Variants in HMGCLL1 observed in about 807,000 individuals in gnomAD.
The protein encoded by HMGCLL1 is 3-hydroxy-3-methylglutaryl-CoA lyase like 1.
In HMGCLL1, 36 loss-of-function variants were observed where a neutral mutation model predicts 39.1. The observed-to-expected ratio is 0.92, with a 90% CI of 0.71 to 1.22. The LOEUF (loss-of-function observed/expected upper bound fraction) is 1.22, where lower values mean the gene tolerates loss of function less well. Ranked by LOEUF, HMGCLL1 falls within the 50% of genes most tolerant of loss-of-function variation. The pLI is 0.00. For synonymous variants in HMGCLL1, 149 were observed against 144.0 expected (o/e 1.03, Z -0.25); for missense variants, 451 against 416.5 (o/e 1.08, Z -0.72).
the HMGCLL1 span, among the ~76,000 whole-genome samples, chr6:55,662,871 A>C: frequency 0.055 from 8,331 of 151,618 alleles, 384 homozygotes; most frequent in Non-Finnish European, 0.077. Flanking sequence ...TTCAGAGCTA[A>C]TTATTGCTCT....
At chr6:55,454,774 A>C (rs1366789819) in intron 7 of HMGCLL1, among the ~76,000 whole-genome samples, 1 of 152,204 alleles carries the variant, frequency 6.6e-6, no homozygotes, top group African/African-American at 2.4e-5. Flanking sequence ...GGAAGGAGAA[A>C]GAGAATAGGA....
chr6:55,449,341 CTTCT>C (rs773050748), intron 7 of HMGCLL1, among the ~76,000 whole-genome samples: 2 of 152,198 alleles, frequency 1.3e-5, no homozygotes, highest in Non-Finnish European at 2.9e-5. Context: ...AAGCATTCTT[CTTCT>C]TTAATAGCCA....
At chr6:55,644,836 C>T in the HMGCLL1 span, among the ~76,000 whole-genome samples, 1 of 151,858 alleles carries the variant, frequency 6.6e-6, no homozygotes, top group Admixed American at 6.6e-5. Flanking sequence ...TAATTTGATT[C>T]CTCCAGTTTT....
chr6:55,457,165 AT>A (rs1385024255), intron 7 of HMGCLL1, among the ~76,000 whole-genome samples: 2 of 152,128 alleles, frequency 1.3e-5, no homozygotes, highest in African/African-American at 4.8e-5. Flanking sequence ...TGAAACTTGA[AT>A]TATTTTCTAC....
intron 7 of HMGCLL1, among the ~76,000 whole-genome samples, chr6:55,480,125 T>A (rs1765658366): frequency 6.6e-6 from 1 of 151,566 alleles, no homozygotes; most frequent in South Asian, 2.1e-4. Flanking sequence ...CAACTTAAAA[T>A]AATGTAATTT....
At chr6:55,637,372 A>G in the HMGCLL1 span, among the ~76,000 whole-genome samples, 45 of 152,162 alleles carry the variant, frequency 3.0e-4, no homozygotes, top group Non-Finnish European at 5.1e-4. Context: ...ACTTTTTATA[A>G]TAATTAAAGC....
chr6:55,633,595 T>A, the HMGCLL1 span, among the ~76,000 whole-genome samples: 1 of 152,068 alleles, frequency 6.6e-6, no homozygotes, highest in Non-Finnish European at 1.5e-5. Flanking sequence ...ACGTTAATGT[T>A]AATTTGGGAA....
At chr6:55,508,682 T>C (rs772643001) in intron 5 of HMGCLL1, among the ~76,000 whole-genome samples, 9 of 151,832 alleles carry the variant, frequency 5.9e-5, no homozygotes, top group African/African-American at 9.7e-5. Context: ...TTGTTTCACA[T>C]TGACATATAT....
intron 1 of HMGCLL1, among the ~76,000 whole-genome samples, chr6:55,542,385 A>C (rs1398992021): frequency 2.6e-5 from 4 of 152,164 alleles, no homozygotes; most frequent in Non-Finnish European, 2.9e-5. Context: ...AATTTATAAA[A>C]TATAATTGAA....
At chr6:55,651,961 G>A in the HMGCLL1 span, among the ~76,000 whole-genome samples, 2 of 152,152 alleles carry the variant, frequency 1.3e-5, no homozygotes, top group Admixed American at 1.3e-4. Context: ...GTGGCTGCAG[G>A]GAGGATGAAG....
intron 5 of HMGCLL1, among the ~76,000 whole-genome samples, chr6:55,502,407 T>C (rs746078959): frequency 6.6e-6 from 1 of 151,842 alleles, no homozygotes; most frequent in Non-Finnish European, 1.5e-5. Flanking sequence ...ATTCTCAAGG[T>C]ACTACCTTTT....
chr6:55,604,423 G>C, the HMGCLL1 span, among the ~76,000 whole-genome samples: 2 of 152,106 alleles, frequency 1.3e-5, no homozygotes, highest in Non-Finnish European at 1.5e-5. Flanking sequence ...TTCTAGATTA[G>C]ATTGAATTAA....
rs187412929 is a variant in HMGCLL1 at position 55,465,592 on chromosome 6, T to G, written c.796-26033A>C. 1.6e-4 allele frequency among the ~76,000 whole-genome samples: 25 copies of G among 152,238 alleles called. No homozygotes were observed. In the East Asian group the frequency reaches 4.6e-3, roughly 28 times the overall value. On this transcript the variant is annotated intron_variant, in intron 7 of 8. Coordinates refer to ENST00000274901, the MANE Select transcript of HMGCLL1 (RefSeq NM_001042406.2). The stretch of plus-strand genomic sequence containing the variant: ...TTAAATATGATATTCATGGTAAGTT[T>G]CTGGTAGATACCCTTTATGAGCTTT...
At chr6:55,547,088 C>T (rs1037701505) in intron 1 of HMGCLL1, among the ~76,000 whole-genome samples, 23 of 151,988 alleles carry the variant, frequency 1.5e-4, no homozygotes, top group Non-Finnish European at 1.6e-4. Flanking sequence ...TAAATGACTT[C>T]CTAAGTTTAC....
the HMGCLL1 span, among the ~76,000 whole-genome samples, chr6:55,609,317 A>T: frequency 2.0e-5 from 3 of 152,156 alleles, no homozygotes; most frequent in South Asian, 6.2e-4. Flanking sequence ...CCATCACTGT[A>T]TCTCAAGGAT....
chr6:55,473,534 C>T (rs1765138844), intron 7 of HMGCLL1, among the ~76,000 whole-genome samples: 1 of 151,360 alleles, frequency 6.6e-6, no homozygotes, highest in Non-Finnish European at 1.5e-5. Context: ...TTCATTCCTC[C>T]CATATTTTAT....
At chr6:55,504,964 T>C (rs1255004598) in intron 5 of HMGCLL1, among the ~76,000 whole-genome samples, 2 of 151,650 alleles carry the variant, frequency 1.3e-5, no homozygotes, top group African/African-American at 2.4e-5. Flanking sequence ...TCAGATGACA[T>C]AGTAATCATC....
intron 4 of HMGCLL1, among the ~76,000 whole-genome samples, chr6:55,515,777 G>C (rs1403600266): frequency 6.6e-6 from 1 of 151,788 alleles, no homozygotes. Flanking sequence ...AAACCCAAGA[G>C]AAAAATAAAT....
intron 5 of HMGCLL1, chr6:55,513,234 A>G (rs968514183): frequency 3.3e-5 from 5 of 152,144 alleles, no homozygotes; most frequent in Admixed American, 3.3e-4. Context: ...CATGTTTGGT[A>G]TACCATTTCT....
Sources: gnomAD v4.1 joint callset for allele counts (sites outside exome capture counted in the v4.1 genomes callset) on GRCh38, gnomAD v4.1.1 for gene constraint, MANE v1.5 for transcripts, NCBI Gene and HGNC (gene_info 2026-07-23, HGNC 2026-07-21) for gene names.